The following SRPK2 variants were observed in gnomAD, a reference collection of about 807,000 sequenced individuals.
The protein encoded by SRPK2 is SFRS protein kinase 2.
In SRPK2, 21 loss-of-function variants were observed where a neutral mutation model predicts 90.8. That is an observed-to-expected ratio of 0.23 (90% confidence interval 0.16 to 0.33). SRPK2 has a LOEUF of 0.33. SRPK2 is among the 10% of genes least tolerant of loss of function. SRPK2 has a pLI of 1.00. For synonymous variants in SRPK2, 288 were observed against 311.1 expected (o/e 0.93, Z 0.78); for missense variants, 620 against 869.0 (o/e 0.71, Z 3.60).
chr7:105,301,702 C>T, intron 2 of SRPK2: 1 of 1,611,310 alleles, frequency 6.2e-7, no homozygotes, highest in East Asian at 2.2e-5. Context: ...ACCTCCAATT[C>T]TATCTATGAA....
chr7:105,253,893 T>TA (rs1802834898), intron 2 of SRPK2, among the ~76,000 whole-genome samples: 48 of 87,100 alleles, frequency 5.5e-4, no homozygotes, highest in South Asian at 3.0e-3. Context: ...CATCTTTATT[T>TA]TAAAAAAAAA....
At chr7:105,375,312 T>C (rs941641114) in intron 2 of SRPK2, among the ~76,000 whole-genome samples, 10 of 152,064 alleles carry the variant, frequency 6.6e-5, no homozygotes, top group Non-Finnish European at 1.5e-4. Context: ...TATGCAAGAA[T>C]GGCCCCCAAA....
At chr7:105,261,068 A>C (rs1410899794) in intron 2 of SRPK2, among the ~76,000 whole-genome samples, 1 of 151,660 alleles carries the variant, frequency 6.6e-6, no homozygotes, top group Non-Finnish European at 1.5e-5. Flanking sequence ...ATGTGACCAA[A>C]AAACACCAAG....
intron 2 of SRPK2, among the ~76,000 whole-genome samples, chr7:105,320,795 T>C (rs1338079342): frequency 6.6e-6 from 1 of 151,970 alleles, no homozygotes; most frequent in Non-Finnish European, 1.5e-5. Context: ...AGGATATAAA[T>C]AACTCCCACA....
chr7:105,219,157 A>G (rs1482653147), intron 2 of SRPK2, among the ~76,000 whole-genome samples: 1 of 152,082 alleles, frequency 6.6e-6, no homozygotes, highest in Non-Finnish European at 1.5e-5. Context: ...CATACTTCCC[A>G]CACTCCCACA....
chr7:105,141,840 G>A (rs995083570), intron 11 of SRPK2, among the ~76,000 whole-genome samples, 168 bp downstream of exon 11: 1 of 152,134 alleles, frequency 6.6e-6, no homozygotes, highest in African/African-American at 2.4e-5. Flanking sequence ...TAATGGCATA[G>A]AAAATTTATT....
At chr7:105,118,588 T>G (rs1321907456) in intron 15 of SRPK2, among the ~76,000 whole-genome samples, 2 of 152,118 alleles carry the variant, frequency 1.3e-5, no homozygotes, top group Non-Finnish European at 2.9e-5. Flanking sequence ...TAATGGTCAT[T>G]TCATAAGAGA....
At chr7:105,188,248 A>G (rs907688550) in intron 3 of SRPK2, among the ~76,000 whole-genome samples, 6 of 152,226 alleles carry the variant, frequency 3.9e-5, no homozygotes, top group African/African-American at 1.4e-4. Flanking sequence ...CCAAACACAA[A>G]AAGTGATGTA....
At chr7:105,223,428 G>GGTA (rs1381005494) in intron 2 of SRPK2, among the ~76,000 whole-genome samples, 2 of 152,150 alleles carry the variant, frequency 1.3e-5, no homozygotes, top group African/African-American at 2.4e-5. Flanking sequence ...CCCTGCCCAA[G>GGTA]TGTCAAAAAA....
At chr7:105,175,915 A>C (rs896660998) in intron 3 of SRPK2, among the ~76,000 whole-genome samples, 5 of 152,142 alleles carry the variant, frequency 3.3e-5, no homozygotes, top group Admixed American at 6.6e-5. Flanking sequence ...TCTTGATATT[A>C]TGAAAAAAAT....
intron 3 of SRPK2, among the ~76,000 whole-genome samples, chr7:105,197,357 A>C (rs986974502): frequency 2.4e-4 from 36 of 152,202 alleles, no homozygotes; most frequent in African/African-American, 8.7e-4. Flanking sequence ...TATGTCACTC[A>C]AATGTGTGTG....
chr7:105,388,881 C>T lies in SRPK2; in HGVS notation c.-75G>A. The T allele has an allele frequency of 8.0e-7, 1 of 1,250,608 alleles. No individual in the cohort carries two copies. The highest frequency in any genetic ancestry group is 1.0e-6 in the Non-Finnish European group (1 of 1,001,402). 77.5% of individuals were successfully genotyped at this position (1,250,608 alleles called of 1,614,324 possible). Reference sequence around the variant, plus strand: ...GCCGAGACGAGCTGGGCTGCAGCCTCCACTCGCTCCGCCGGCCGGGAGGAG... The same window carrying T: ...GCCGAGACGAGCTGGGCTGCAGCCTTCACTCGCTCCGCCGGCCGGGAGGAG... On this transcript the variant is annotated 5_prime_UTR_variant, in exon 1 of 16. Transcript: ENST00000393651.
chr7:105,322,871 A>T (rs1813099091), intron 2 of SRPK2, among the ~76,000 whole-genome samples: 1 of 152,172 alleles, frequency 6.6e-6, no homozygotes, highest in Non-Finnish European at 1.5e-5. Context: ...TCCCTGGCTC[A>T]CAGCCTGGGT....
intron 2 of SRPK2, among the ~76,000 whole-genome samples, chr7:105,365,487 CAAAAAAAAAAA>C (rs374198950): frequency 4.3e-5 from 3 of 69,712 alleles, no homozygotes; most frequent in African/African-American, 1.6e-4. Flanking sequence ...AATTCTGTCT[CAAAAAAAAAAA>C]AAAAAAAAAA....
intron 2 of SRPK2, among the ~76,000 whole-genome samples, chr7:105,324,652 C>T (rs557213493): frequency 6.6e-6 from 1 of 152,196 alleles, no homozygotes; most frequent in African/African-American, 2.4e-5. Context: ...TTTGGGAGTC[C>T]GAGGCGGGTG....
intron 15 of SRPK2, among the ~76,000 whole-genome samples, chr7:105,121,853 T>A (rs531238840): frequency 3.6e-4 from 55 of 152,342 alleles, no homozygotes; most frequent in African/African-American, 1.3e-3. Flanking sequence ...TCCATGAAAT[T>A]GTCATATTCC....
chr7:105,314,596 C>T (rs28522390), intron 2 of SRPK2, among the ~76,000 whole-genome samples: 1 of 152,104 alleles, frequency 6.6e-6, no homozygotes, highest in African/African-American at 2.4e-5. Context: ...GTTGGCCAGG[C>T]TGGTCTCAAA....
intron 15 of SRPK2, among the ~76,000 whole-genome samples, chr7:105,122,690 T>C (rs1800563733): frequency 6.6e-6 from 1 of 152,170 alleles, no homozygotes; most frequent in South Asian, 2.1e-4. Context: ...CTCACATTTC[T>C]CTTGATGTTG....
chr7:105,188,227 A>C (rs1158146043), intron 3 of SRPK2, among the ~76,000 whole-genome samples: 1 of 152,244 alleles, frequency 6.6e-6, no homozygotes, highest in South Asian at 2.1e-4. Flanking sequence ...AAACATTATA[A>C]GTAAAAGAAG....
Sources: gnomAD v4.1 joint callset for allele counts (sites outside exome capture counted in the v4.1 genomes callset) on GRCh38, gnomAD v4.1.1 for gene constraint, MANE v1.5 for transcripts, NCBI Gene and HGNC (gene_info 2026-07-23, HGNC 2026-07-21) for gene names.